The following SGCZ variants were observed in gnomAD, a reference collection of about 807,000 sequenced individuals.
SGCZ encodes the protein sarcoglycan zeta, also known as zeta-sarcoglycan.
A neutral mutation model predicts 41.3 loss-of-function variants in SGCZ; 40 were observed. The observed-to-expected ratio is 0.97, with a 90% CI of 0.75 to 1.26. The LOEUF (loss-of-function observed/expected upper bound fraction) is 1.26, where lower values mean the gene tolerates loss of function less well. Ranked by LOEUF, SGCZ falls within the 50% of genes most tolerant of loss-of-function variation. The pLI is 0.00. For synonymous variants in SGCZ, 206 were observed against 137.5 expected (o/e 1.50, Z -3.49); for missense variants, 552 against 369.8 (o/e 1.49, Z -4.04).
rs369806119 is a variant in SGCZ, at chr8:14,590,323, T to C, written c.40-35397A>G. On this transcript the variant is annotated intron_variant, in intron 1 of 7. Coordinates refer to ENST00000382080, the MANE Select transcript of SGCZ (RefSeq NM_139167.4). The stretch of plus-strand genomic sequence containing the variant: ...AAAGAAAAAATTATAAAGAAGCTCA[T>C]GACAGAGCAATTGTTAATATTTTGG... 3.9e-4 allele frequency among the ~76,000 whole-genome samples: 60 copies of C among 152,106 alleles called. No individual in the cohort carries two copies. In the East Asian group the frequency reaches 7.7e-3, roughly 20 times the overall value.
At chr8:14,730,546 A>AGTTG (rs1279455700) in intron 1 of SGCZ, among the ~76,000 whole-genome samples, 9 of 148,926 alleles carry the variant, frequency 6.0e-5, no homozygotes, top group African/African-American at 1.3e-4. Flanking sequence ...AGGGAATCAG[A>AGTTG]AACAACATAC....
intron 2 of SGCZ, among the ~76,000 whole-genome samples, chr8:14,399,569 C>T (rs1352348900): frequency 6.6e-6 from 1 of 152,002 alleles, no homozygotes; most frequent in African/African-American, 2.4e-5. Context: ...AATCATTTTC[C>T]TTTAGACAGA....
intron 2 of SGCZ, among the ~76,000 whole-genome samples, chr8:14,363,261 C>T (rs766606064): frequency 4.6e-5 from 7 of 152,064 alleles, no homozygotes; most frequent in Non-Finnish European, 8.8e-5. Context: ...TCTGTCATTC[C>T]TTATTCACTG....
chr8:14,679,167 T>C (rs117015858), intron 1 of SGCZ, among the ~76,000 whole-genome samples: 2,273 of 152,272 alleles, frequency 0.015, 24 homozygotes, highest in Non-Finnish European at 0.019. Flanking sequence ...TCACATACAA[T>C]TACTTACAAT....
intron 1 of SGCZ, among the ~76,000 whole-genome samples, chr8:15,128,993 C>A (rs1184823425): frequency 6.6e-6 from 1 of 152,176 alleles, no homozygotes; most frequent in Non-Finnish European, 1.5e-5. Flanking sequence ...AAAAGAAAAT[C>A]TGTCTTTTGC....
At chr8:14,177,768 T>C (rs1446047764) in intron 4 of SGCZ, among the ~76,000 whole-genome samples, 1 of 148,706 alleles carries the variant, frequency 6.7e-6, no homozygotes, top group Non-Finnish European at 1.5e-5. Flanking sequence ...TCGTGATCCA[T>C]TCGCCTCAGC....
intron 1 of SGCZ, among the ~76,000 whole-genome samples, chr8:14,700,397 G>C (rs1321915614): frequency 6.6e-6 from 1 of 151,860 alleles, no homozygotes; most frequent in African/African-American, 2.4e-5. Context: ...ATTATAAATG[G>C]GAGCTAAACA....
chr8:14,287,627 T>C, intron 3 of SGCZ, among the ~76,000 whole-genome samples: 1 of 152,262 alleles, frequency 6.6e-6, no homozygotes, highest in East Asian at 1.9e-4. Flanking sequence ...AGATAAGAAC[T>C]CTTTGACATG....
chr8:14,522,445 T>C (rs1424944030), intron 2 of SGCZ, among the ~76,000 whole-genome samples: 1 of 151,988 alleles, frequency 6.6e-6, no homozygotes, highest in African/African-American at 2.4e-5. Flanking sequence ...GCTGTTTCAA[T>C]TTGGGTGAGG....
intron 1 of SGCZ, among the ~76,000 whole-genome samples, chr8:15,116,899 C>T (rs1055516156): frequency 2.3e-4 from 35 of 152,134 alleles, no homozygotes; most frequent in Admixed American, 1.1e-3. Flanking sequence ...ATCACAGATA[C>T]GTATTTTAGG....
At chr8:14,279,957 C>T (rs924894863) in intron 3 of SGCZ, among the ~76,000 whole-genome samples, 2 of 151,802 alleles carry the variant, frequency 1.3e-5, no homozygotes, top group African/African-American at 4.8e-5. Context: ...CAAGTCCAAA[C>T]AGAAAACTTA....
At chr8:14,400,241 G>A (rs1028257709) in intron 2 of SGCZ, among the ~76,000 whole-genome samples, 2 of 151,978 alleles carry the variant, frequency 1.3e-5, no homozygotes, top group African/African-American at 4.8e-5. Flanking sequence ...TTATATAGCA[G>A]ATTTTATTTA....
intron 1 of SGCZ, among the ~76,000 whole-genome samples, chr8:15,168,667 A>G (rs268402): frequency 0.2 from 30,864 of 152,142 alleles, 3,655 homozygotes; most frequent in African/African-American, 0.31. Context: ...ATGGGTAGCC[A>G]TTCATCTTCA....
intron 1 of SGCZ, among the ~76,000 whole-genome samples, chr8:15,006,539 C>A (rs548670811): frequency 6.6e-6 from 1 of 152,262 alleles, no homozygotes; most frequent in Non-Finnish European, 1.5e-5. Context: ...CCATTGTTTA[C>A]CCCACGAAGA....
At chr8:14,818,197 C>A (rs538225399) in intron 1 of SGCZ, among the ~76,000 whole-genome samples, 5 of 152,134 alleles carry the variant, frequency 3.3e-5, no homozygotes, top group Non-Finnish European at 5.9e-5. Flanking sequence ...TAACAGCCAG[C>A]CTGTCAACAG....
chr8:15,001,900 T>G (rs1315905877), intron 1 of SGCZ, among the ~76,000 whole-genome samples: 1 of 152,086 alleles, frequency 6.6e-6, no homozygotes, highest in Non-Finnish European at 1.5e-5. Context: ...TAGTAAGTGG[T>G]CAAGCTACTG....
At chr8:14,410,206 C>T (rs372311270) in intron 2 of SGCZ, among the ~76,000 whole-genome samples, 4 of 152,118 alleles carry the variant, frequency 2.6e-5, no homozygotes, top group African/African-American at 9.6e-5. Flanking sequence ...ACATTTATCC[C>T]GAAACCATTT....
At chr8:14,440,503 T>A (rs1563330638) in intron 2 of SGCZ, among the ~76,000 whole-genome samples, 1 of 151,730 alleles carries the variant, frequency 6.6e-6, no homozygotes, top group Non-Finnish European at 1.5e-5. Context: ...ACAATTTAAC[T>A]CTTAGGTTTT....
At chr8:14,393,779 T>A (rs751784348) in intron 2 of SGCZ, among the ~76,000 whole-genome samples, 6 of 152,116 alleles carry the variant, frequency 3.9e-5, no homozygotes, top group Non-Finnish European at 8.8e-5. Context: ...CGCTTCAATA[T>A]CCTATATTTA....
Sources: allele counts gnomAD v4.1 joint callset (sites outside exome capture counted in the v4.1 genomes callset), GRCh38; gene constraint gnomAD v4.1.1; transcripts MANE v1.5; gene names NCBI Gene and HGNC (gene_info 2026-07-23, HGNC 2026-07-21).